FAM114A2: variants seen among roughly 807,000 people sequenced by gnomAD.
FAM114A2 encodes protein FAM114A2.
Under a neutral mutation model 58.4 loss-of-function variants are expected in FAM114A2, and 53 were observed. That is an observed-to-expected ratio of 0.91 (90% confidence interval 0.73 to 1.14). The LOEUF is 1.14. Ranked by LOEUF, FAM114A2 falls within the 50% of genes most tolerant of loss-of-function variation. The probability of loss-of-function intolerance (pLI) is 0.00; values close to 1 mark genes in which losing one functional copy is unlikely to be tolerated. For synonymous variants in FAM114A2, 228 were observed against 211.4 expected (o/e 1.08, Z -0.68); for missense variants, 601 against 581.1 (o/e 1.03, Z -0.35).
intron 9 of FAM114A2, among the ~76,000 whole-genome samples, chr5:154,006,773 T>TA (rs201815264): frequency 8.0e-5 from 12 of 149,864 alleles, no homozygotes; most frequent in Non-Finnish European, 1.3e-4. Flanking sequence ...ACGGATACCA[T>TA]AAATTTAATA....
At chr5:154,019,385 G>A (rs192360022) in intron 8 of FAM114A2, among the ~76,000 whole-genome samples, 7 of 152,114 alleles carry the variant, frequency 4.6e-5, no homozygotes, top group Admixed American at 2.6e-4. Context: ...AATCATAGAC[G>A]ATACAAACAA....
intron 9 of FAM114A2, among the ~76,000 whole-genome samples, chr5:154,006,278 C>T (rs1296496826): frequency 6.6e-6 from 1 of 152,198 alleles, no homozygotes; most frequent in Non-Finnish European, 1.5e-5. Flanking sequence ...TAGGAGTCTG[C>T]TCTTCTCTCT....
intron 5 of FAM114A2, among the ~76,000 whole-genome samples, chr5:154,028,891 C>T (rs1365423157): frequency 1.3e-5 from 2 of 151,998 alleles, no homozygotes; most frequent in African/African-American, 4.8e-5. Context: ...GGAGAGGACA[C>T]AAGATGGTGG....
Position 154,000,459 on chromosome 5 carries a change from C to T in FAM114A2, c.1256+1792G>A, listed in dbSNP as rs796935822. Among the ~76,000 whole-genome samples, 136 of 93,436 alleles carry T rather than the reference C, an allele frequency of 1.5e-3. 2 individuals are homozygous for T. The highest frequency in any genetic ancestry group is 4.6e-3 in the African/African-American group (133 of 28,902). 61.3% of individuals were successfully genotyped at this position (93,436 alleles called of 152,430 possible). A position where few individuals can be genotyped will look rare whatever the true frequency, so the allele number is the denominator to read the frequency against. ...TCTATGCATATAACACTCACATGTA[C>T]CCCATATATATATATTATGTATCAG... On this transcript the variant is annotated intron_variant, in intron 11 of 13. Transcript: ENST00000351797.
At position 154,027,504 on chromosome 5, in the gene FAM114A2, G is replaced by A. The variant is rs1273958574; in HGVS notation, c.631-170C>T. ...GCTCAGGAGCTGCAGAAAGAAAAAC[G>A]ATCACACATAATTTGAGACGGAGTT... On this transcript the variant is annotated intron_variant, in intron 6 of 13. Transcript: ENST00000351797. 3.3e-5 allele frequency: 16 copies of A among 490,164 alleles called. No individual in the cohort carries two copies. In the South Asian group the frequency reaches 5.0e-4, roughly 15 times the overall value. 30.4% of individuals were successfully genotyped at this position (490,164 alleles called of 1,614,324 possible).
intron 8 of FAM114A2, among the ~76,000 whole-genome samples, chr5:154,024,360 A>C (rs1561567545): frequency 6.6e-6 from 1 of 152,124 alleles, no homozygotes; most frequent in Non-Finnish European, 1.5e-5. Flanking sequence ...AAAACAGTAA[A>C]CCCATACCAC....
At chr5:154,025,872 T>C (rs1771738216) in intron 8 of FAM114A2, among the ~76,000 whole-genome samples, 1 of 152,168 alleles carries the variant, frequency 6.6e-6, no homozygotes, top group Admixed American at 6.5e-5. Flanking sequence ...ATACATAGTA[T>C]CTACATTTAC....
intron 11 of FAM114A2, among the ~76,000 whole-genome samples, chr5:154,000,414 C>CT (rs1020029612): frequency 7.9e-5 from 12 of 152,114 alleles, no homozygotes; most frequent in African/African-American, 2.7e-4. Flanking sequence ...CCCAAATACT[C>CT]TGACTTCATC....
At chr5:154,009,368 T>G (rs1224804988) in intron 9 of FAM114A2, among the ~76,000 whole-genome samples, 1 of 152,056 alleles carries the variant, frequency 6.6e-6, no homozygotes, top group Non-Finnish European at 1.5e-5. Flanking sequence ...CAGAACTCCA[T>G]GAAAGCATAC....
chr5:154,029,349 C>T, intron 5 of FAM114A2, 140 bp downstream of exon 5: 1 of 554,226 alleles, frequency 1.8e-6, no homozygotes, highest in Non-Finnish European at 3.2e-6. Context: ...CCCATAAGAC[C>T]AAAGTGACCG....
chr5:154,030,150 A>G (rs1368805559), intron 4 of FAM114A2, among the ~76,000 whole-genome samples: 3 of 152,154 alleles, frequency 2.0e-5, no homozygotes, highest in Non-Finnish European at 2.9e-5. Context: ...AAAAGAATAA[A>G]TTTTACTGTG....
chr5:154,034,904 G>T lies in FAM114A2; in HGVS notation c.50C>A (p.Pro17His). ...CTCACAGTTTCCATCTTCAAGGATGGGGGCTGCTTCAGTTAGCAGTGGAGT... is the reference window on the plus strand; with the variant it reads ...CTCACAGTTTCCATCTTCAAGGATGTGGGCTGCTTCAGTTAGCAGTGGAGT... Reference protein sequence around the residue: ...IETPLLTEAAPILEDGNCEPA... With the variant: ...IETPLLTEAAHILEDGNCEPA... The change falls in exon 2 of 14, where the codon CCC becomes CAC. Residue 17 changes from proline (P) to histidine (H), a missense_variant. Physicochemically the swap from Pro to His is moderately conservative, Grantham distance 77 (BLOSUM62 -2). Coordinates refer to ENST00000351797, the MANE Select transcript of FAM114A2 (RefSeq NM_018691.4). 1.2e-6 allele frequency: 2 copies of T among 1,613,970 alleles called. No homozygotes were observed. The highest frequency in any genetic ancestry group is 1.7e-6 in the Non-Finnish European group (2 of 1,179,892).
Position 153,991,202 on chromosome 5 carries a change from T to A in FAM114A2, c.*1774A>T, listed in dbSNP as rs980539439. On this transcript the variant is annotated 3_prime_UTR_variant, in exon 14 of 14. Transcript: ENST00000351797. ...CAGGGCTGAAATCTGAATAGGTGTATAAAAAGAGTTGTTACTCTCTCCTTC... is the reference window on the plus strand; with the variant it reads ...CAGGGCTGAAATCTGAATAGGTGTAAAAAAAGAGTTGTTACTCTCTCCTTC... The A allele has an allele frequency of 9.9e-5, 15 of 152,172 alleles. No individual in the cohort carries two copies. The highest frequency in any genetic ancestry group is 3.4e-4 in the African/African-American group (14 of 41,432). The allele number at this position is 152,172 out of a possible 1,614,324, so 9.4% of individuals were successfully genotyped here. A position where few individuals can be genotyped will look rare whatever the true frequency, so the allele number is the denominator to read the frequency against.
chr5:154,031,577 A>C (rs1252421404), intron 4 of FAM114A2, among the ~76,000 whole-genome samples: 4 of 152,200 alleles, frequency 2.6e-5, no homozygotes, highest in Non-Finnish European at 5.9e-5. Flanking sequence ...ATCAAAAGGC[A>C]GTCCATTGTA....
intron 13 of FAM114A2, among the ~76,000 whole-genome samples, chr5:153,993,354 T>G (rs1769356000): frequency 6.6e-6 from 1 of 152,172 alleles, no homozygotes; most frequent in Admixed American, 6.5e-5. Context: ...TCAGACATGG[T>G]AGCTTTTCTT....
chr5:154,027,561 C>T, intron 6 of FAM114A2: 2 of 370,532 alleles, frequency 5.4e-6, no homozygotes, highest in Non-Finnish European at 9.6e-6. Flanking sequence ...AGTGCAGTGG[C>T]ACGATCTCTG....
At chr5:154,032,629 G>A (rs1772277783) in intron 4 of FAM114A2, among the ~76,000 whole-genome samples, 1 of 152,146 alleles carries the variant, frequency 6.6e-6, no homozygotes, top group African/African-American at 2.4e-5. Context: ...GGGACTCCTG[G>A]AAAACATTTC....
chr5:154,018,096 CA>C (rs1321280343), intron 8 of FAM114A2, among the ~76,000 whole-genome samples: 3 of 151,944 alleles, frequency 2.0e-5, no homozygotes, highest in Admixed American at 2.0e-4. Context: ...TTGAAACAAA[CA>C]AAAATACAAA....
chr5:154,029,101 T>G (rs867968378), intron 5 of FAM114A2, among the ~76,000 whole-genome samples: 2 of 152,340 alleles, frequency 1.3e-5, no homozygotes, highest in Non-Finnish European at 1.5e-5. Context: ...CATACATAGT[T>G]TTGCAAATAT....
Sources: gnomAD v4.1 joint callset for allele counts (sites outside exome capture counted in the v4.1 genomes callset) on GRCh38, gnomAD v4.1.1 for gene constraint, MANE v1.5 for transcripts, NCBI Gene and HGNC (gene_info 2026-07-23, HGNC 2026-07-21) for gene names.